ARHGEF18: variants seen among roughly 807,000 people sequenced by gnomAD.
The protein encoded by ARHGEF18 is Rho/Rac guanine nucleotide exchange factor 18, also known as rho guanine nucleotide exchange factor 18.
In ARHGEF18, 93 loss-of-function variants were observed where a neutral mutation model predicts 155.7. The ratio of observed to expected loss-of-function variants is 0.60; its 90% CI spans 0.50 to 0.71. The LOEUF (loss-of-function observed/expected upper bound fraction) is 0.71, where lower values mean the gene tolerates loss of function less well. Among genes scored for constraint, ARHGEF18 ranks in the 30% least tolerant of loss-of-function variants. The pLI, the probability that ARHGEF18 is intolerant of heterozygous loss-of-function variation, is 0.00. For synonymous variants in ARHGEF18, 742 were observed against 753.1 expected, an observed-to-expected ratio of 0.99 and a Z score of 0.24; for missense variants, 1,593 against 1,816.1, an observed-to-expected ratio of 0.88 and a Z score of 2.23.
intron 1 of ARHGEF18, chr19:7,355,824 C>A: frequency 1.9e-6 from 1 of 530,324 alleles, no homozygotes; most frequent in Non-Finnish European, 2.4e-6. Flanking sequence ...TGGCATCGGC[C>A]CTGGATTCCA....
At chr19:7,417,797 T>G (rs1335491076) in intron 10 of ARHGEF18, among the ~76,000 whole-genome samples, 1 of 151,958 alleles carries the variant, frequency 6.6e-6, no homozygotes, top group Non-Finnish European at 1.5e-5. Context: ...CCGGGGTGGG[T>G]GGAGCCAGGT....
rs182238052 is a variant in ARHGEF18 at position 7,392,228 on chromosome 19, G to A, written c.967+9025G>A. On this transcript the variant is annotated intron_variant, in intron 10 of 28. Transcript: ENST00000668164. ...TGCACTCCAGCTTGGGCAACAGAGT[G>A]AGACTCCGTCTCAAAAAAAAAAAAA... Among the ~76,000 whole-genome samples the A allele has an allele frequency of 7.4e-3, 933 of 125,982 alleles. 11 individuals are homozygous for A. The highest frequency in any genetic ancestry group is 0.029 in the African/African-American group (888 of 30,116). 82.6% of individuals were successfully genotyped at this position (125,982 alleles called of 152,430 possible). A position where few individuals can be genotyped will look rare whatever the true frequency, so the allele number is the denominator to read the frequency against.
At chr19:7,460,344 G>T (rs1976137390) in intron 20 of ARHGEF18, among the ~76,000 whole-genome samples, 2 of 151,960 alleles carry the variant, frequency 1.3e-5, no homozygotes, top group East Asian at 3.9e-4. Context: ...AATAGCACAG[G>T]GTCCCCACAG....
intron 14 of ARHGEF18, 70 bp from the exon 15 acceptor site, chr19:7,446,973 A>T: frequency 6.4e-7 from 1 of 1,552,154 alleles, no homozygotes; most frequent in East Asian, 2.3e-5. Context: ...GCAGACTCAG[A>T]CGAATTAGAT....
At chr19:7,382,153 C>G (rs1297719704) in intron 8 of ARHGEF18, among the ~76,000 whole-genome samples, 1 of 152,048 alleles carries the variant, frequency 6.6e-6, no homozygotes, top group Non-Finnish European at 1.5e-5. Context: ...TGGCTCATGC[C>G]TGTAATCCCA....
chr19:7,415,376 C>A (rs1374715328), intron 10 of ARHGEF18, among the ~76,000 whole-genome samples: 3 of 152,158 alleles, frequency 2.0e-5, no homozygotes, highest in African/African-American at 7.2e-5. Context: ...TGCACCGCCC[C>A]TCTCTGCCAC....
intron 1 of ARHGEF18, among the ~76,000 whole-genome samples, chr19:7,353,069 C>T (rs1366560045): frequency 3.3e-5 from 5 of 151,198 alleles, no homozygotes; most frequent in Non-Finnish European, 7.4e-5. Flanking sequence ...CTCCTGACCT[C>T]CAGTGAGTTG....
intron 10 of ARHGEF18, among the ~76,000 whole-genome samples, chr19:7,397,097 G>GAAAAAA (rs35973104): frequency 3.2e-5 from 2 of 62,292 alleles, no homozygotes; most frequent in African/African-American, 4.3e-5. Context: ...GCCTTTTTGC[G>GAAAAAA]AAAAAAAAAA....
intron 15 of ARHGEF18, among the ~76,000 whole-genome samples, chr19:7,450,399 G>A (rs796386669): frequency 0.12 from 61 of 522 alleles, no homozygotes; most frequent in Middle Eastern, 0.5. Flanking sequence ...GGATCTTGCT[G>A]TCCGTTTCCA....
downstream of ARHGEF18, chr19:7,476,948 T>G: frequency 2.5e-6 from 1 of 405,264 alleles, no homozygotes; most frequent in Non-Finnish European, 4.4e-6. Flanking sequence ...TTCCTCATCT[T>G]GATTTGGATA....
chr19:7,476,430 A>T (rs566835651), downstream of ARHGEF18, among the ~76,000 whole-genome samples: 4 of 152,324 alleles, frequency 2.6e-5, no homozygotes, highest in Non-Finnish European at 4.4e-5. Flanking sequence ...CCACATGTGC[A>T]CAGACTCTGA....
At chr19:7,397,498 C>CCG (rs1491523647) in intron 10 of ARHGEF18, among the ~76,000 whole-genome samples, 1 of 149,170 alleles carries the variant, frequency 6.7e-6, no homozygotes, top group Non-Finnish European at 1.5e-5. Context: ...TTGGGAGGCC[C>CCG]GGGGGGGGGC....
chr19:7,366,202 C>T (rs2145366572), intron 2 of ARHGEF18, among the ~76,000 whole-genome samples: 1 of 152,354 alleles, frequency 6.6e-6, no homozygotes, highest in South Asian at 2.1e-4. Flanking sequence ...CGCCTCAGGC[C>T]TCCTGAAGTG....
intron 15 of ARHGEF18, among the ~76,000 whole-genome samples, chr19:7,450,564 A>T (rs1975329858): frequency 6.9e-3 from 1 of 144 alleles, no homozygotes; most frequent in Non-Finnish European, 0.012. Flanking sequence ...TCCATTTCCG[A>T]GGTGTGAATG....
chr19:7,439,561 G>A (rs1332845280), intron 10 of ARHGEF18: 3 of 446,890 alleles, frequency 6.7e-6, no homozygotes, highest in Non-Finnish European at 9.1e-6. Context: ...ACAGATGGGT[G>A]TAGACAGCGG....
chr19:7,378,551 T>C (rs1414138970), intron 6 of ARHGEF18, 100 bp downstream of exon 6: 107 of 979,608 alleles, frequency 1.1e-4, no homozygotes, highest in Non-Finnish European at 1.4e-4. Flanking sequence ...TTGCTGGCCA[T>C]AAGTGACCAG....
intron 10 of ARHGEF18, among the ~76,000 whole-genome samples, chr19:7,394,335 C>T (rs937432663): frequency 6.6e-5 from 10 of 151,916 alleles, no homozygotes; most frequent in Admixed American, 6.6e-4. Flanking sequence ...TGAAGTGATC[C>T]CCCCACCACT....
intron 23 of ARHGEF18, 143 bp downstream of exon 23, chr19:7,464,833 A>C: frequency 8.2e-7 from 1 of 1,212,380 alleles, no homozygotes; most frequent in Non-Finnish European, 1.1e-6. Flanking sequence ...ACAGTATCTC[A>C]GCCCAGATTA....
chr19:7,407,425 C>CAAA (rs59665719), intron 10 of ARHGEF18, among the ~76,000 whole-genome samples: 1 of 108,752 alleles, frequency 9.2e-6, no homozygotes, highest in Non-Finnish European at 2.0e-5. Flanking sequence ...GACTGAGTCT[C>CAAA]AAAAAAAAAA....
Sources: gnomAD v4.1 joint callset for allele counts (sites outside exome capture counted in the v4.1 genomes callset) on GRCh38, gnomAD v4.1.1 for gene constraint, MANE v1.5 for transcripts, NCBI Gene and HGNC (gene_info 2026-07-23, HGNC 2026-07-21) for gene names.